The following CDH13 variants were observed in gnomAD, a reference collection of about 807,000 sequenced individuals.
The protein encoded by CDH13 is cadherin 13.
Under a neutral mutation model 63.8 loss-of-function variants are expected in CDH13, and 24 were observed. The observed-to-expected ratio is 0.38, with a 90% CI of 0.27 to 0.53. The LOEUF is 0.53. Ranked by LOEUF, CDH13 falls within the 20% of genes least tolerant of loss-of-function variation. The pLI is 0.85. For missense variants in CDH13, 1,049 were observed against 903.1 expected (o/e 1.16, Z -2.07); for synonymous variants, 503 against 355.3 (o/e 1.42, Z -4.67).
At chr16:82,732,947 A>T (rs1801357537) in intron 1 of CDH13, among the ~76,000 whole-genome samples, 1 of 152,204 alleles carries the variant, frequency 6.6e-6, no homozygotes, top group Non-Finnish European at 1.5e-5. Context: ...TCTCAGAAAG[A>T]CAAATGGAGT....
intron 2 of CDH13, among the ~76,000 whole-genome samples, chr16:82,873,898 G>C (rs987342776): frequency 2.0e-5 from 3 of 151,952 alleles, no homozygotes; most frequent in Non-Finnish European, 2.9e-5. Context: ...TCATGTTCTA[G>C]GGATACTTGT....
chr16:83,204,698 G>T (rs1166371992), intron 4 of CDH13, among the ~76,000 whole-genome samples: 2 of 152,134 alleles, frequency 1.3e-5, no homozygotes, highest in East Asian at 3.9e-4. Context: ...TTAGGCTTTG[G>T]TGACAAGAAA....
intron 2 of CDH13, among the ~76,000 whole-genome samples, chr16:82,876,250 C>A (rs137964334): frequency 8.5e-5 from 13 of 152,266 alleles, no homozygotes; most frequent in South Asian, 2.1e-4. Context: ...TCTTTTCTAC[C>A]CATCATTACT....
chr16:83,000,698 G>T (rs1197194857), intron 2 of CDH13, among the ~76,000 whole-genome samples: 1 of 150,576 alleles, frequency 6.6e-6, no homozygotes, highest in Non-Finnish European at 1.5e-5. Flanking sequence ...TCCTGCCTCA[G>T]CTTCCCAGGT....
At chr16:83,010,557 C>G (rs1056906543) in intron 2 of CDH13, among the ~76,000 whole-genome samples, 1 of 152,108 alleles carries the variant, frequency 6.6e-6, no homozygotes, top group East Asian at 1.9e-4. Flanking sequence ...CATTTTATTT[C>G]TCCTGCCCTT....
At chr16:83,102,911 C>CTTTTTTTTTCTTTTTCTTTTTT (rs1211949695) in intron 3 of CDH13, among the ~76,000 whole-genome samples, 5 of 96,594 alleles carry the variant, frequency 5.2e-5, no homozygotes, top group African/African-American at 9.7e-5. Flanking sequence ...ATTAAACTTT[C>CTTTTTTTTTCTTTTTCTTTTTT]TTTTTTTTTT....
At chr16:83,462,075 T>C (rs992530383) in intron 6 of CDH13, among the ~76,000 whole-genome samples, 2 of 152,194 alleles carry the variant, frequency 1.3e-5, no homozygotes, top group African/African-American at 4.8e-5. Flanking sequence ...CAGCAGAAAC[T>C]TGGAAATCGT....
At chr16:83,576,020 G>T (rs180881171) in intron 7 of CDH13, among the ~76,000 whole-genome samples, 2 of 152,126 alleles carry the variant, frequency 1.3e-5, no homozygotes, top group Non-Finnish European at 2.9e-5. Context: ...CACATAACAT[G>T]AAACTAACCA....
chr16:83,557,967 T>C (rs994957164), intron 7 of CDH13, among the ~76,000 whole-genome samples: 6 of 152,094 alleles, frequency 3.9e-5, no homozygotes, highest in Non-Finnish European at 8.8e-5. Context: ...ACAGGGAAGA[T>C]TGCTTTTCTT....
intron 12 of CDH13, 52 bp downstream of exon 12, chr16:83,780,253 TC>T: frequency 8.0e-7 from 1 of 1,246,434 alleles, no homozygotes; most frequent in African/African-American, 1.5e-5. Context: ...CAGTTTATTT[TC>T]TCTTTCCCAA....
chr16:82,850,759 C>G (rs1354645198), intron 1 of CDH13, among the ~76,000 whole-genome samples: 1 of 152,200 alleles, frequency 6.6e-6, no homozygotes, highest in Non-Finnish European at 1.5e-5. Flanking sequence ...ACCCTCATCA[C>G]TCAGCAGCCA....
At chr16:82,866,997 C>T (rs748326241) in intron 2 of CDH13, among the ~76,000 whole-genome samples, 16 of 152,202 alleles carry the variant, frequency 1.1e-4, no homozygotes, top group East Asian at 3.9e-4. Context: ...CATATGTTGG[C>T]ATGCAAGCTT....
chr16:83,137,477 T>A (rs16959376), intron 4 of CDH13, among the ~76,000 whole-genome samples: 8,326 of 152,234 alleles, frequency 0.055, 768 homozygotes, highest in African/African-American at 0.19. Context: ...GGTCGTGTCT[T>A]CGTTTAACAA....
chr16:82,961,105 C>A (rs1362127701), intron 2 of CDH13, among the ~76,000 whole-genome samples: 4 of 152,178 alleles, frequency 2.6e-5, no homozygotes, highest in Admixed American at 6.5e-5. Context: ...CCTCCCCACA[C>A]CCCCTGAGCT....
chr16:82,960,040 A>AT (rs1906733564), intron 2 of CDH13, among the ~76,000 whole-genome samples: 3 of 152,184 alleles, frequency 2.0e-5, no homozygotes, highest in Admixed American at 6.5e-5. Context: ...AAGAGTTTTG[A>AT]GCAGTAAGGT....
intron 8 of CDH13, among the ~76,000 whole-genome samples, chr16:83,665,320 A>T (rs1913843281): frequency 6.6e-6 from 1 of 152,248 alleles, no homozygotes; most frequent in Non-Finnish European, 1.5e-5. Flanking sequence ...TTCATATGAT[A>T]CAGGGCAAAA....
At chr16:83,780,666 C>A (rs753704588) in intron 12 of CDH13, among the ~76,000 whole-genome samples, 1 of 152,198 alleles carries the variant, frequency 6.6e-6, no homozygotes. Flanking sequence ...GAGTTCCCAG[C>A]CACAAGACTG....
intron 4 of CDH13, among the ~76,000 whole-genome samples, chr16:83,196,751 C>G (rs1169135830): frequency 6.6e-6 from 1 of 152,166 alleles, no homozygotes; most frequent in African/African-American, 2.4e-5. Flanking sequence ...CCGGTACACA[C>G]CTATTAGAAC....
chr16:82,925,077 C>T (rs575073479), intron 2 of CDH13, among the ~76,000 whole-genome samples: 4 of 152,262 alleles, frequency 2.6e-5, no homozygotes, highest in Middle Eastern at 6.8e-3. Context: ...TCCAAACTTT[C>T]CCTGCCATGA....
Sources: gnomAD v4.1 joint callset for allele counts (sites outside exome capture counted in the v4.1 genomes callset) on GRCh38, gnomAD v4.1.1 for gene constraint, MANE v1.5 for transcripts, NCBI Gene and HGNC (gene_info 2026-07-23, HGNC 2026-07-21) for gene names.